Variants in RYR2 observed in about 807,000 individuals in gnomAD.
RYR2 encodes the protein cardiac muscle ryanodine receptor-calcium release channel.
Under a neutral mutation model 601.1 loss-of-function variants are expected in RYR2, and 227 were observed. The observed-to-expected ratio is 0.38, with a 90% CI of 0.34 to 0.42. The LOEUF (loss-of-function observed/expected upper bound fraction) is 0.42, where lower values mean the gene tolerates loss of function less well. Among genes scored for constraint, RYR2 ranks in the 10% least tolerant of loss-of-function variants. The probability of loss-of-function intolerance (pLI) is 1.00; values close to 1 mark genes in which losing one functional copy is unlikely to be tolerated. For missense variants in RYR2, 4,646 were observed against 6,156.5 expected, an observed-to-expected ratio of 0.75 and a Z score of 8.21; for synonymous variants, 2,223 against 2,175.1, an observed-to-expected ratio of 1.02 and a Z score of -0.61.
intron 84 of RYR2, among the ~76,000 whole-genome samples, chr1:237,766,213 C>A (rs1302624806): frequency 4.6e-5 from 7 of 152,120 alleles, no homozygotes; most frequent in Non-Finnish European, 1.0e-4. Flanking sequence ...TTATCTGAGG[C>A]CACAGAGAGC....
chr1:237,413,766 G>A (rs1393880457), intron 10 of RYR2, among the ~76,000 whole-genome samples: 2 of 151,968 alleles, frequency 1.3e-5, no homozygotes, highest in Admixed American at 6.6e-5. Flanking sequence ...ATATCATTGA[G>A]TTTCTTCCTC....
intron 14 of RYR2, among the ~76,000 whole-genome samples, chr1:237,452,442 A>ATATACTATAGAGTATATTATACAT (rs1658298311): frequency 2.8e-5 from 1 of 36,080 alleles, no homozygotes; most frequent in South Asian, 1.1e-3. Flanking sequence ...TTATACATTA[A>ATATACTATAGAGTATATTATACAT]TAATATACTA....
chr1:237,550,147 G>A (rs1400901466), intron 26 of RYR2, among the ~76,000 whole-genome samples: 1 of 152,104 alleles, frequency 6.6e-6, no homozygotes, highest in Non-Finnish European at 1.5e-5. Flanking sequence ...GTTCTTCATT[G>A]CCTGAAAACC....
intron 1 of RYR2, among the ~76,000 whole-genome samples, chr1:237,064,432 A>G (rs756581323): frequency 1.2e-4 from 19 of 152,140 alleles, no homozygotes; most frequent in Non-Finnish European, 1.8e-4. Context: ...TAATACATGT[A>G]TCACATTTAC....
At chr1:237,429,248 C>A (rs1259038323) in intron 12 of RYR2, among the ~76,000 whole-genome samples, 1 of 152,128 alleles carries the variant, frequency 6.6e-6, no homozygotes, top group Non-Finnish European at 1.5e-5. Context: ...GTATCAGGAC[C>A]CCCATTTTAC....
chr1:237,310,445 G>C (rs1157930459), intron 2 of RYR2, among the ~76,000 whole-genome samples: 1 of 152,132 alleles, frequency 6.6e-6, no homozygotes, highest in Non-Finnish European at 1.5e-5. Flanking sequence ...TATCTCCACA[G>C]GTAGCTACTT....
In RYR2 at chr1:237,042,355, C is replaced by G; in HGVS notation, c.-167C>G. On this transcript the variant is annotated 5_prime_UTR_variant, in exon 1 of 105. Transcript: ENST00000366574. Reference sequence around the variant, plus strand: ...ACCCGCGCCCGAGCGTCCGCGCCTCCTCCTCCGCTCTGCAGGCGGGGACCG... The same window carrying G: ...ACCCGCGCCCGAGCGTCCGCGCCTCGTCCTCCGCTCTGCAGGCGGGGACCG... 1.9e-6 allele frequency: 1 copy of G among 526,216 alleles called. No homozygotes were observed. Among genetic ancestry groups the G allele is most frequent in the African/African-American group, 2.0e-5 (1 of 49,404 alleles). The allele number at this position is 526,216 out of a possible 1,614,324, so 32.6% of individuals were successfully genotyped here.
In RYR2 at chr1:237,417,132, A is replaced by G; in HGVS notation, c.848+9A>G. 2 of 1,607,238 alleles carry G rather than the reference A, an allele frequency of 1.2e-6. No individual in the cohort carries two copies. Among genetic ancestry groups the G allele is most frequent in the Non-Finnish European group, 1.7e-6 (2 of 1,173,884 alleles). ...GAGACGCTAAGAGTTGCGTAAGTAG[A>G]ACTTCTAAACACAGCCTAATGCACC... On this transcript the variant is annotated intron_variant, in intron 11 of 104. Transcript: ENST00000366574.
chr1:237,357,633 T>G (rs1279189527), intron 4 of RYR2, among the ~76,000 whole-genome samples: 1 of 152,170 alleles, frequency 6.6e-6, no homozygotes, highest in East Asian at 1.9e-4. Context: ...TTATTTGTAT[T>G]AAGTTTATTT....
In RYR2 at chr1:237,266,354, A is replaced by G. The variant is rs981877556; in HGVS notation, c.49-4143A>G. ...ATTGTGTGTGTGTGTGTGTGTGTGT[A>G]CATGTATGTGTGAGCATGTGTGCAT... On this transcript the variant is annotated intron_variant, in intron 1 of 104. Transcript: ENST00000366574. 3.5e-5 allele frequency among the ~76,000 whole-genome samples: 5 copies of G among 144,746 alleles called. No homozygotes were observed. In the East Asian group the frequency reaches 1.0e-3, roughly 29 times the overall value. 95.0% of individuals were successfully genotyped at this position (144,746 alleles called of 152,430 possible).
intron 19 of RYR2, among the ~76,000 whole-genome samples, chr1:237,493,985 C>T (rs571736181): frequency 3.3e-5 from 5 of 151,964 alleles, no homozygotes; most frequent in African/African-American, 7.3e-5. Flanking sequence ...ATTTTATAGA[C>T]GAAAAAACTG....
chr1:237,567,696 C>G (rs906510893), intron 28 of RYR2, among the ~76,000 whole-genome samples: 18 of 151,126 alleles, frequency 1.2e-4, no homozygotes, highest in African/African-American at 4.1e-4. Flanking sequence ...TTTTTAAAGT[C>G]TTCTTTTTTT....
intron 41 of RYR2, 57 bp from the exon 42 acceptor site, chr1:237,631,370 G>A (rs1371624825): frequency 1.7e-5 from 18 of 1,055,902 alleles, no homozygotes; most frequent in Non-Finnish European, 2.6e-5. Flanking sequence ...GAGGAACTTG[G>A]TTAACTATTT....
intron 2 of RYR2, among the ~76,000 whole-genome samples, chr1:237,316,861 G>A (rs1695164205): frequency 6.6e-6 from 1 of 152,098 alleles, no homozygotes; most frequent in South Asian, 2.1e-4. Context: ...TATGGACCTG[G>A]TATAGTCTGT....
At chr1:237,745,825 G>T (rs1009606580) in intron 80 of RYR2, among the ~76,000 whole-genome samples, 10 of 151,956 alleles carry the variant, frequency 6.6e-5, no homozygotes, top group African/African-American at 1.7e-4. Context: ...CTCAGCAAGA[G>T]ACAGGCTTTT....
chr1:237,359,199 G>A (rs554093694), intron 4 of RYR2, among the ~76,000 whole-genome samples: 44 of 152,236 alleles, frequency 2.9e-4, no homozygotes, highest in Non-Finnish European at 4.7e-4. Flanking sequence ...AGCTTACAGT[G>A]GGGCAACATC....
intron 1 of RYR2, among the ~76,000 whole-genome samples, chr1:237,181,497 C>T (rs1678752362): frequency 6.6e-6 from 1 of 152,164 alleles, no homozygotes; most frequent in Admixed American, 6.5e-5. Context: ...ACTCAAGAGA[C>T]AGACCAGCAG....
chr1:237,563,013 C>T (rs1047259402), intron 27 of RYR2, among the ~76,000 whole-genome samples: 1 of 152,152 alleles, frequency 6.6e-6, no homozygotes, highest in Non-Finnish European at 1.5e-5. Context: ...CTCCTACAAA[C>T]CCAGATTTCA....
intron 1 of RYR2, among the ~76,000 whole-genome samples, chr1:237,127,684 A>G (rs1671650309): frequency 1.4e-5 from 2 of 147,130 alleles, no homozygotes; most frequent in African/African-American, 2.5e-5. Flanking sequence ...GGCCGGGCAG[A>G]GATGCTCCTC....
Sources: allele counts gnomAD v4.1 joint callset (sites outside exome capture counted in the v4.1 genomes callset), GRCh38; gene constraint gnomAD v4.1.1; transcripts MANE v1.5; gene names NCBI Gene and HGNC (gene_info 2026-07-23, HGNC 2026-07-21).